Variants in SMURF2 observed in about 807,000 individuals in gnomAD.
SMURF2 encodes SMAD specific E3 ubiquitin protein ligase 2.
SMURF2 carries 48 observed loss-of-function variants against 109.6 expected under a neutral mutation model. The observed-to-expected ratio is 0.44, with a 90% CI of 0.35 to 0.56. The LOEUF (loss-of-function observed/expected upper bound fraction) is 0.56, where lower values mean the gene tolerates loss of function less well. Ranked by LOEUF, SMURF2 falls within the 20% of genes least tolerant of loss-of-function variation. The probability of loss-of-function intolerance (pLI) is 0.01; values close to 1 mark genes in which losing one functional copy is unlikely to be tolerated. For missense variants in SMURF2, 575 were observed against 909.0 expected, an observed-to-expected ratio of 0.63 and a Z score of 4.72; for synonymous variants, 288 against 317.1, an observed-to-expected ratio of 0.91 and a Z score of 0.97.
intron 1 of SMURF2, among the ~76,000 whole-genome samples, chr17:64,607,327 T>C (rs1476904382): frequency 6.6e-6 from 1 of 152,096 alleles, no homozygotes; most frequent in Non-Finnish European, 1.5e-5. Flanking sequence ...AATTGCCCAC[T>C]TTAAAGAGGA....
chr17:64,649,273 T>C lies in SMURF2; in HGVS notation c.52+12556A>G, dbSNP rs142669217. ...CAGTTTTACAGGTTTTTACATACCC[T>C]GACATCTATCAGTGCAGAAATACCC... On this transcript the variant is annotated intron_variant, in intron 1 of 18. Transcript: ENST00000262435. 8.0e-4 allele frequency among the ~76,000 whole-genome samples: 122 copies of C among 152,302 alleles called. 2 individuals carry two copies. In the East Asian group the frequency reaches 0.014, roughly 17 times the overall value.
At position 64,543,593 on chromosome 17, in the gene SMURF2, T is replaced by A. The variant is rs927220502; in HGVS notation, c.*2255A>T. The A allele has an allele frequency of 6.6e-6, 1 of 152,174 alleles. No homozygotes were observed. The highest frequency in any genetic ancestry group is 1.5e-5 in the Non-Finnish European group (1 of 68,032). 9.4% of individuals were successfully genotyped at this position (152,174 alleles called of 1,614,324 possible). On this transcript the variant is annotated 3_prime_UTR_variant, in exon 19 of 19. Transcript: ENST00000262435. Reference sequence around the variant, plus strand: ...CCAGCCAATTTCTTTCTTTTAAAGCTCTATTAAGTCATTAGTATAAAGTTA... The same window carrying A: ...CCAGCCAATTTCTTTCTTTTAAAGCACTATTAAGTCATTAGTATAAAGTTA...
chr17:64,660,584 C>T (rs1286301743), intron 1 of SMURF2, among the ~76,000 whole-genome samples: 1 of 152,220 alleles, frequency 6.6e-6, no homozygotes, highest in African/African-American at 2.4e-5. Context: ...TTTCATCCAG[C>T]AAGTTCAGCC....
intron 1 of SMURF2, among the ~76,000 whole-genome samples, chr17:64,625,693 G>A (rs1366850561): frequency 5.3e-5 from 8 of 152,104 alleles, no homozygotes; most frequent in African/African-American, 2.4e-5. Context: ...ATACACCGCT[G>A]AGTCCTAACT....
At chr17:64,616,653 T>C (rs1555690140) in intron 1 of SMURF2, among the ~76,000 whole-genome samples, 1 of 129,458 alleles carries the variant, frequency 7.7e-6, no homozygotes, top group African/African-American at 2.9e-5. Flanking sequence ...AGACTCTGTC[T>C]CAAAAAAAAA....
intron 13 of SMURF2, among the ~76,000 whole-genome samples, chr17:64,556,861 TTTC>T (rs1320043341): frequency 2.0e-5 from 3 of 152,232 alleles, no homozygotes; most frequent in Non-Finnish European, 4.4e-5. Flanking sequence ...CTTGTTTTTG[TTTC>T]TTTTTTAAAA....
At chr17:64,571,989 C>T in intron 9 of SMURF2, 33 bp from the exon 10 acceptor site, 2 of 1,580,472 alleles carry the variant, frequency 1.3e-6, no homozygotes, top group Non-Finnish European at 1.7e-6. Flanking sequence ...AAAAATACCT[C>T]ATTGCTCGCC....
chr17:64,570,668 G>C (rs1285589480), intron 10 of SMURF2, among the ~76,000 whole-genome samples: 3 of 152,134 alleles, frequency 2.0e-5, no homozygotes, highest in Admixed American at 2.0e-4. Flanking sequence ...TTCACCACTG[G>C]CAACGTATGG....
At chr17:64,608,585 C>T (rs567079745) in intron 1 of SMURF2, among the ~76,000 whole-genome samples, 40 of 152,286 alleles carry the variant, frequency 2.6e-4, no homozygotes, top group Non-Finnish European at 4.4e-4. Flanking sequence ...TTACAATCTT[C>T]AGTTTTAATG....
chr17:64,638,398 G>T (rs1261569442), intron 1 of SMURF2, among the ~76,000 whole-genome samples: 2 of 151,774 alleles, frequency 1.3e-5, no homozygotes, highest in South Asian at 2.1e-4. Context: ...ACAGTGTTTC[G>T]TCATGTTGGG....
In SMURF2 at chr17:64,661,977, A is replaced by T; in HGVS notation, c.-97T>A. 1 of 1,113,940 alleles carries T rather than the reference A, an allele frequency of 9.0e-7. No individual in the cohort carries two copies. The highest frequency in any genetic ancestry group is 5.0e-5 in the Admixed American group (1 of 19,866). The allele number at this position is 1,113,940 out of a possible 1,614,324, so 69.0% of individuals were successfully genotyped here. A position where few individuals can be genotyped will look rare whatever the true frequency, so the allele number is the denominator to read the frequency against. On this transcript the variant is annotated 5_prime_UTR_variant, in exon 1 of 19. Coordinates refer to ENST00000262435, the MANE Select transcript of SMURF2 (RefSeq NM_022739.4). ...CAGCGGCCGGGGCTGGGGCCCGAGC[A>T]GCCGGCGCCTCGGCCGCCACGGCCG...
Position 64,598,414 on chromosome 17 carries a change from C to T in SMURF2, c.168G>A (p.Thr56=), listed in dbSNP as rs1335117473. ...AATGCTGATTCCACTTTGGATCAAG[C>T]GTATTCTTCACAGTATCTGTAGAAT... The part of the protein sequence containing the change: ...QCHSTDTVKN[T]LDPKWNQHYD... Residue 56 remains threonine (T), a synonymous_variant, in exon 3 of 19, where the codon ACG becomes ACA. Coordinates refer to ENST00000262435, the MANE Select transcript of SMURF2 (RefSeq NM_022739.4). The T allele has an allele frequency of 1.1e-5, 18 of 1,608,608 alleles. No individual in the cohort carries two copies. Among genetic ancestry groups the T allele is most frequent in the Admixed American group, 6.7e-5 (4 of 59,620 alleles).
intron 15 of SMURF2, among the ~76,000 whole-genome samples, chr17:64,554,331 A>G (rs536788232): frequency 9.6e-4 from 146 of 152,248 alleles, no homozygotes; most frequent in Non-Finnish European, 1.1e-3. Flanking sequence ...GGCCTTAAAA[A>G]GATCTAGCAG....
intron 1 of SMURF2, among the ~76,000 whole-genome samples, chr17:64,620,432 G>A (rs1555690531): frequency 6.6e-6 from 1 of 152,146 alleles, no homozygotes; most frequent in African/African-American, 2.4e-5. Flanking sequence ...CTCAAGCAGT[G>A]TCAATGATTC....
chr17:64,578,824 T>C (rs1203823804), intron 8 of SMURF2, among the ~76,000 whole-genome samples: 3 of 152,182 alleles, frequency 2.0e-5, no homozygotes, highest in African/African-American at 7.2e-5. Flanking sequence ...ATACTAAATA[T>C]GTTGCAATGG....
intron 1 of SMURF2, among the ~76,000 whole-genome samples, chr17:64,629,260 G>A (rs1436960833): frequency 1.3e-5 from 2 of 152,186 alleles, no homozygotes; most frequent in Non-Finnish European, 2.9e-5. Flanking sequence ...CAGCACTTTG[G>A]TAGGTCAGGG....
intron 16 of SMURF2, among the ~76,000 whole-genome samples, chr17:64,549,976 T>C (rs1969018236): frequency 6.6e-6 from 1 of 152,220 alleles, no homozygotes; most frequent in South Asian, 2.1e-4. Context: ...TGGGTGTATT[T>C]AATGACATAA....
chr17:64,545,730 A>G lies in SMURF2; in HGVS notation c.*118T>C, dbSNP rs1968940314. 4.7e-6 allele frequency: 1 copy of G among 212,046 alleles called. No homozygotes were observed. Among genetic ancestry groups the G allele is most frequent in the East Asian group, 9.0e-5 (1 of 11,066 alleles). The allele number at this position is 212,046 out of a possible 1,614,324, so 13.1% of individuals were successfully genotyped here. ...GTCCTAAAATGTAAAAAAAAAAAAA[A>G]AAAGGGGGGGGGGGGGAGTGTTTTC... On this transcript the variant is annotated 3_prime_UTR_variant, in exon 19 of 19. Transcript: ENST00000262435.
At chr17:64,623,978 T>C (rs1251035500) in intron 1 of SMURF2, among the ~76,000 whole-genome samples, 3 of 152,244 alleles carry the variant, frequency 2.0e-5, no homozygotes, top group Non-Finnish European at 1.5e-5. Flanking sequence ...AGCTTATCCA[T>C]ATATATGCAA....
Sources: gnomAD v4.1 joint callset for allele counts (sites outside exome capture counted in the v4.1 genomes callset) on GRCh38, gnomAD v4.1.1 for gene constraint, MANE v1.5 for transcripts, NCBI Gene and HGNC (gene_info 2026-07-23, HGNC 2026-07-21) for gene names.